Variants in VPS13B observed in about 807,000 individuals in gnomAD.
The protein encoded by VPS13B is intermembrane lipid transfer protein VPS13B.
A neutral mutation model predicts 426.4 loss-of-function variants in VPS13B; 285 were observed. That is an observed-to-expected ratio of 0.67 (90% CI 0.61 to 0.74). VPS13B has a LOEUF of 0.74. VPS13B is among the 30% of genes least tolerant of loss of function. The pLI is 0.00. For synonymous variants in VPS13B, 1,676 were observed against 1,676.4 expected (o/e 1.00, Z 0.01); for missense variants, 4,537 against 4,782.6 (o/e 0.95, Z 1.51).
chr8:99,088,801 T>C (rs1845983734), intron 3 of VPS13B, among the ~76,000 whole-genome samples: 1 of 152,222 alleles, frequency 6.6e-6, no homozygotes. Flanking sequence ...TGCCCTAGTT[T>C]CTTTTTACAG....
intron 33 of VPS13B, among the ~76,000 whole-genome samples, chr8:99,603,871 A>G (rs1300300808): frequency 6.6e-6 from 1 of 152,208 alleles, no homozygotes; most frequent in Non-Finnish European, 1.5e-5. Context: ...AAGGCCATCT[A>G]TTAAGGAATA....
rs149716922 is a variant in VPS13B at position 99,301,371 on chromosome 8, G to A, written c.2824+26117G>A. Reference sequence around the variant, plus strand: ...TTTAATGGCGCAATCTCGGCTCACCGCAACCTCCACCTTCCAGGTTCAAGC... The same window carrying A: ...TTTAATGGCGCAATCTCGGCTCACCACAACCTCCACCTTCCAGGTTCAAGC... On this transcript the variant is annotated intron_variant, in intron 19 of 61. Transcript: ENST00000357162. 5.0e-3 allele frequency among the ~76,000 whole-genome samples: 753 copies of A among 149,412 alleles called. 7 individuals carry two copies. The highest frequency in any genetic ancestry group is 0.018 in the African/African-American group (718 of 40,428).
intron 33 of VPS13B, among the ~76,000 whole-genome samples, chr8:99,612,318 A>G (rs1827877613): frequency 6.6e-6 from 1 of 152,218 alleles, no homozygotes; most frequent in African/African-American, 2.4e-5. Flanking sequence ...AGAATAAAAA[A>G]GAAAGTAAAA....
At chr8:99,590,389 G>GT (rs1369407697) in intron 33 of VPS13B, among the ~76,000 whole-genome samples, 1 of 152,054 alleles carries the variant, frequency 6.6e-6, no homozygotes, top group Non-Finnish European at 1.5e-5. Flanking sequence ...TTTTGAATTT[G>GT]TTTGCTCTTG....
At chr8:99,843,531 T>G (rs1331744524) in intron 54 of VPS13B, among the ~76,000 whole-genome samples, 1 of 152,220 alleles carries the variant, frequency 6.6e-6, no homozygotes, top group African/African-American at 2.4e-5. Flanking sequence ...TGGAATTACC[T>G]GCTCCCCCTT....
At chr8:99,453,180 C>T (rs1218384050) in intron 23 of VPS13B, among the ~76,000 whole-genome samples, 1 of 151,382 alleles carries the variant, frequency 6.6e-6, no homozygotes, top group Non-Finnish European at 1.5e-5. Flanking sequence ...TTCTTGTTCA[C>T]CTTAGTGGTT....
intron 21 of VPS13B, among the ~76,000 whole-genome samples, chr8:99,417,685 A>C (rs988729653): frequency 6.6e-6 from 1 of 152,136 alleles, no homozygotes; most frequent in African/African-American, 2.4e-5. Context: ...TTACTTTGCT[A>C]TTTATAACAA....
intron 30 of VPS13B, among the ~76,000 whole-genome samples, chr8:99,552,217 A>G (rs769245533): frequency 2.0e-5 from 3 of 151,672 alleles, no homozygotes; most frequent in Non-Finnish European, 1.5e-5. Context: ...CCCTGCTCAT[A>G]CTTTGAAGAT....
Position 99,835,207 on chromosome 8 carries a change from C to G in VPS13B, c.9625C>G (p.Leu3209Val). The G allele has an allele frequency of 5.0e-6, 8 of 1,613,898 alleles. No individual in the cohort carries two copies. Among genetic ancestry groups the G allele is most frequent in the Non-Finnish European group, 6.8e-6 (8 of 1,179,936 alleles). Residue 3209 changes from leucine (L) to valine (V), a missense_variant, in exon 53 of 62, where the codon CTG becomes GTG. Leu to Val is a conservative substitution (Grantham distance 32, BLOSUM62 1). Around this residue, in one of 2 missense-constraint regions of VPS13B, gnomAD observed 4,311 missense variants for 4,474.3 expected, o/e 0.96. Transcript: ENST00000357162. ...TTGATTCTCTTCCAGGGCTATAGTG[C>G]TGACATATCAAGAACACCTCGGAGT... is the stretch of plus-strand genomic sequence containing the variant. ...ENGFCTRAIV[L>V]TYQEHLGVTY...
intron 3 of VPS13B, among the ~76,000 whole-genome samples, chr8:99,088,338 A>G (rs1344539135): frequency 6.6e-6 from 1 of 152,086 alleles, no homozygotes; most frequent in Non-Finnish European, 1.5e-5. Flanking sequence ...TCTGTTCTGA[A>G]ATTTGCAGAT....
intron 32 of VPS13B, among the ~76,000 whole-genome samples, chr8:99,576,977 T>TCTTA (rs1825807983): frequency 6.6e-6 from 1 of 152,146 alleles, no homozygotes; most frequent in Admixed American, 6.5e-5. Context: ...ATTAATTGCC[T>TCTTA]GCCTAAAATT....
At chr8:99,427,480 T>TA (rs887871926) in intron 21 of VPS13B, among the ~76,000 whole-genome samples, 53 of 151,862 alleles carry the variant, frequency 3.5e-4, no homozygotes, top group African/African-American at 1.2e-3. Context: ...TGGGGATTCT[T>TA]ATACACCAAT....
chr8:99,429,024 G>A (rs1047781615), intron 21 of VPS13B, among the ~76,000 whole-genome samples: 54 of 152,160 alleles, frequency 3.5e-4, no homozygotes, highest in South Asian at 2.1e-3. Context: ...GCAAACTAAC[G>A]CAAGGACAAA....
intron 19 of VPS13B, among the ~76,000 whole-genome samples, chr8:99,308,440 T>G (rs1484977122): frequency 1.3e-5 from 2 of 152,186 alleles, no homozygotes; most frequent in Non-Finnish European, 2.9e-5. Context: ...TTTGGTTTTT[T>G]GTCCTTGCGA....
intron 35 of VPS13B, among the ~76,000 whole-genome samples, chr8:99,672,367 T>A (rs1251072624): frequency 2.0e-5 from 3 of 152,064 alleles, no homozygotes; most frequent in African/African-American, 7.2e-5. Flanking sequence ...TATTTAATAA[T>A]TTTTTTAGCT....
Position 99,103,752 on chromosome 8 carries a change from G to A in VPS13B, c.580+632G>A, listed in dbSNP as rs182940151. Among the ~76,000 whole-genome samples the A allele has an allele frequency of 7.2e-5, 11 of 152,022 alleles. No individual in the cohort carries two copies. In the East Asian group the frequency reaches 7.7e-4, roughly 11 times the overall value. On this transcript the variant is annotated intron_variant, in intron 5 of 61. Coordinates refer to ENST00000357162, the MANE Select transcript of VPS13B (RefSeq NM_152564.5). The stretch of plus-strand genomic sequence containing the variant: ...TTGACCTTGTGATCCACCCGCCTCC[G>A]CCTTCCAAAGTGCTGGGATTACAGA...
At chr8:99,823,686 G>A (rs1814508461) in intron 50 of VPS13B, 146 bp from the exon 51 acceptor site, 6 of 817,068 alleles carry the variant, frequency 7.3e-6, no homozygotes, top group South Asian at 3.2e-5. Flanking sequence ...TGAAAGGAAC[G>A]CCATTAAATA....
intron 34 of VPS13B, among the ~76,000 whole-genome samples, chr8:99,642,700 A>G (rs765367297): frequency 6.6e-5 from 10 of 152,202 alleles, no homozygotes; most frequent in African/African-American, 2.4e-4. Flanking sequence ...TATTCTTACT[A>G]TGCCTCTGAA....
At chr8:99,046,666 G>A (rs940092025) in intron 3 of VPS13B, among the ~76,000 whole-genome samples, 10 of 152,028 alleles carry the variant, frequency 6.6e-5, no homozygotes, top group South Asian at 2.1e-4. Flanking sequence ...TTAGTATTAC[G>A]TTGGCTGTGG....
Sources: gnomAD v4.1 joint callset for allele counts (sites outside exome capture counted in the v4.1 genomes callset) on GRCh38, gnomAD v4.1.1 for gene constraint, gnomAD v4.1.1 regional missense constraint, MANE v1.5 for transcripts, NCBI Gene and HGNC (gene_info 2026-07-23, HGNC 2026-07-21) for gene names.